METTL15: variants seen among roughly 807,000 people sequenced by gnomAD.
The protein encoded by METTL15 is methyltransferase 15, mitochondrial 12S rRNA N4-cytidine.
Under a neutral mutation model 38.3 loss-of-function variants are expected in METTL15, and 34 were observed. The observed-to-expected ratio is 0.89, with a 90% CI of 0.68 to 1.18. The LOEUF (loss-of-function observed/expected upper bound fraction) is 1.18. Among genes scored for constraint, METTL15 ranks in the 50% most tolerant of loss-of-function variants. The pLI is 0.00. For synonymous variants in METTL15, 162 were observed against 170.9 expected (o/e 0.95, Z 0.41); for missense variants, 438 against 498.4 (o/e 0.88, Z 1.15).
chr11:28,504,839 T>G (rs1242037550), intron 6 of METTL15, among the ~76,000 whole-genome samples: 2 of 152,258 alleles, frequency 1.3e-5, no homozygotes, highest in Non-Finnish European at 2.9e-5. Context: ...CTTTGCAAGC[T>G]GCTGGCACGT....
intron 3 of METTL15, among the ~76,000 whole-genome samples, chr11:28,177,275 T>G (rs1010218113): frequency 6.6e-6 from 1 of 152,028 alleles, no homozygotes; most frequent in Non-Finnish European, 1.5e-5. Flanking sequence ...GAATACAGAT[T>G]TCCATCAGTG....
intron 4 of METTL15, among the ~76,000 whole-genome samples, chr11:28,288,134 G>GAA (rs912301493): frequency 6.6e-6 from 1 of 152,122 alleles, no homozygotes; most frequent in Non-Finnish European, 1.5e-5. Flanking sequence ...ACACCATCCA[G>GAA]AATGGCTGTT....
At chr11:28,325,370 G>A (rs543547319) in intron 6 of METTL15, among the ~76,000 whole-genome samples, 1 of 152,200 alleles carries the variant, frequency 6.6e-6, no homozygotes, top group Non-Finnish European at 1.5e-5. Flanking sequence ...ATAGGTCTTG[G>A]ATACACAGGT....
At chr11:28,354,071 AAGAAATGAGACTAC>A (rs1187214748) in intron 4 of METTL15, among the ~76,000 whole-genome samples, 2 of 152,238 alleles carry the variant, frequency 1.3e-5, no homozygotes, top group East Asian at 3.8e-4. Flanking sequence ...AAAGGCAGCA[AAGAAATGAGACTAC>A]AGAACGTACC....
chr11:28,161,313 G>A (rs1458675044), intron 3 of METTL15, among the ~76,000 whole-genome samples: 2 of 151,744 alleles, frequency 1.3e-5, no homozygotes, highest in Non-Finnish European at 2.9e-5. Flanking sequence ...TAGAGATTAG[G>A]TTTCATCATG....
chr11:28,457,769 G>C (rs1851181325), intron 6 of METTL15, among the ~76,000 whole-genome samples: 1 of 152,180 alleles, frequency 6.6e-6, no homozygotes, highest in Non-Finnish European at 1.5e-5. Context: ...CTAAAGACTG[G>C]ACGTTGTTTC....
At chr11:28,476,087 A>C (rs1851344126) in intron 6 of METTL15, among the ~76,000 whole-genome samples, 1 of 152,174 alleles carries the variant, frequency 6.6e-6, no homozygotes, top group African/African-American at 2.4e-5. Context: ...GTAGTAGACA[A>C]AGAACAGAAA....
At chr11:28,380,627 A>G (rs1850372922) in intron 5 of METTL15, among the ~76,000 whole-genome samples, 1 of 152,002 alleles carries the variant, frequency 6.6e-6, no homozygotes, top group Non-Finnish European at 1.5e-5. Flanking sequence ...GTTGCTTTTT[A>G]TGTTTAGTAA....
chr11:28,197,155 G>A (rs984498638), intron 3 of METTL15, among the ~76,000 whole-genome samples: 6 of 151,718 alleles, frequency 4.0e-5, no homozygotes, highest in South Asian at 2.1e-4. Context: ...TAATTTTGCC[G>A]TAGTTCAGAT....
In METTL15 at chr11:28,326,761, G is replaced by C. The variant is rs147035055; in HGVS notation, c.779-3635G>C. On this transcript the variant is annotated intron_variant, in intron 6 of 6. Transcript: ENST00000407364. ...CCTGGCTAAATTGTAGGATTTTTTTGTTTTTGTTTTTGTTTTTGTTTTTTG... is the reference window on the plus strand; with the variant it reads ...CCTGGCTAAATTGTAGGATTTTTTTCTTTTTGTTTTTGTTTTTGTTTTTTG... Among the ~76,000 whole-genome samples, 501 of 151,498 alleles carry C rather than the reference G, an allele frequency of 3.3e-3. 1 individual carries two copies. The highest frequency in any genetic ancestry group is 5.6e-3 in the Non-Finnish European group (383 of 67,792).
chr11:28,400,048 C>T (rs2133403161), intron 5 of METTL15, among the ~76,000 whole-genome samples: 1 of 151,994 alleles, frequency 6.6e-6, no homozygotes, highest in East Asian at 1.9e-4. Flanking sequence ...CATCTTAGAT[C>T]ACCCTTTTCT....
intron 3 of METTL15, among the ~76,000 whole-genome samples, chr11:28,132,021 T>C (rs1849354972): frequency 6.6e-6 from 1 of 152,192 alleles, no homozygotes; most frequent in Admixed American, 6.5e-5. Context: ...GTTTTTAGCT[T>C]CATTTGTGAT....
At chr11:28,217,064 A>T (rs909152074) in intron 4 of METTL15, among the ~76,000 whole-genome samples, 4 of 151,940 alleles carry the variant, frequency 2.6e-5, no homozygotes, top group South Asian at 2.1e-4. Flanking sequence ...TATAATCCTT[A>T]GGGTATATAC....
chr11:28,265,352 G>T (rs942691059), intron 4 of METTL15, among the ~76,000 whole-genome samples: 1 of 151,730 alleles, frequency 6.6e-6, no homozygotes, highest in Non-Finnish European at 1.5e-5. Context: ...GCTATGCCTT[G>T]CTGAAAGTAG....
At chr11:28,522,228 T>G (rs1339651878) in intron 6 of METTL15, among the ~76,000 whole-genome samples, 1 of 152,206 alleles carries the variant, frequency 6.6e-6, no homozygotes, top group African/African-American at 2.4e-5. Context: ...ATATGAGCAG[T>G]GTATTAGTCA....
intron 3 of METTL15, among the ~76,000 whole-genome samples, chr11:28,205,573 G>C (rs991519343): frequency 6.6e-6 from 1 of 152,062 alleles, no homozygotes; most frequent in African/African-American, 2.4e-5. Flanking sequence ...ACATACGTGT[G>C]CATGTGTCTT....
intron 6 of METTL15, among the ~76,000 whole-genome samples, chr11:28,307,699 A>G (rs1324254342): frequency 6.6e-6 from 1 of 151,980 alleles, no homozygotes; most frequent in African/African-American, 2.4e-5. Flanking sequence ...CACCTATTTC[A>G]TACACATATT....
At chr11:28,451,625 T>C (rs1467406230) in intron 6 of METTL15, among the ~76,000 whole-genome samples, 1 of 152,104 alleles carries the variant, frequency 6.6e-6, no homozygotes, top group Non-Finnish European at 1.5e-5. Flanking sequence ...AGTGTGTATA[T>C]TAGTGAATGG....
At chr11:28,161,030 G>A (rs755485200) in intron 3 of METTL15, among the ~76,000 whole-genome samples, 5 of 148,860 alleles carry the variant, frequency 3.4e-5, no homozygotes, top group Non-Finnish European at 7.4e-5. Flanking sequence ...TAAAAGCAAA[G>A]TAAATCACAT....
Sources: allele counts gnomAD v4.1 joint callset (sites outside exome capture counted in the v4.1 genomes callset), GRCh38; gene constraint gnomAD v4.1.1; transcripts MANE v1.5; gene names NCBI Gene and HGNC (gene_info 2026-07-23, HGNC 2026-07-21).